Variants in WBP4 observed in about 807,000 individuals in gnomAD.
WBP4 encodes WW domain binding protein 4, also known as WW domain-binding protein 4.
A neutral mutation model predicts 55.4 loss-of-function variants in WBP4; 37 were observed. The observed-to-expected ratio is 0.67, with a 90% CI of 0.51 to 0.88. The LOEUF (loss-of-function observed/expected upper bound fraction) is 0.88, where lower values mean the gene tolerates loss of function less well. Ranked by LOEUF, WBP4 falls within the 40% of genes least tolerant of loss-of-function variation. The pLI is 0.00. For synonymous variants in WBP4, 142 were observed against 140.2 expected (o/e 1.01, Z -0.09); for missense variants, 398 against 420.8 (o/e 0.95, Z 0.47).
chr13:41,069,539 G>T (rs1878135081), intron 5 of WBP4, among the ~76,000 whole-genome samples: 1 of 152,048 alleles, frequency 6.6e-6, no homozygotes. Flanking sequence ...GTGGGCACCT[G>T]TAGTCCCAGC....
intron 8 of WBP4, among the ~76,000 whole-genome samples, chr13:41,077,191 C>T (rs892712575): frequency 6.6e-6 from 1 of 152,074 alleles, no homozygotes; most frequent in Non-Finnish European, 1.5e-5. Context: ...AAATGTGATT[C>T]ACCACATAAA....
rs148208757 is a variant in WBP4 at position 41,061,885 on chromosome 13, C to A, written c.2+210C>A. Among the ~76,000 whole-genome samples the A allele has an allele frequency of 2.4e-3, 367 of 152,172 alleles. 2 individuals carry two copies. The highest frequency in any genetic ancestry group is 8.5e-3 in the African/African-American group (353 of 41,528). On this transcript the variant is annotated intron_variant, in intron 1 of 9. Transcript: ENST00000379487. ...CCGCTGAACGCCCTGGGGTATGGGG[C>A]ACGGGCTCTAGGGGGAGGCCGGCGG...
intron 4 of WBP4, 130 bp from the exon 5 acceptor site, chr13:41,068,431 T>G: frequency 1.2e-6 from 1 of 823,380 alleles, no homozygotes; most frequent in Non-Finnish European, 1.7e-6. Context: ...GAATGAACTT[T>G]ATAATAATGT....
chr13:41,064,245 TTC>T lies in WBP4; in HGVS notation c.76-765_76-764del, dbSNP rs575501521. Reference sequence around the variant, plus strand: ...TTGTATCCATACATAAAGAGCTTCTTTCTCTCTGTTACAGTAGACTATGAGAA... The same window carrying T: ...TTGTATCCATACATAAAGAGCTTCTTTCTCTGTTACAGTAGACTATGAGAA... On this transcript the variant is annotated intron_variant, in intron 2 of 9. Transcript: ENST00000379487. Among the ~76,000 whole-genome samples the T allele has an allele frequency of 3.3e-5, 5 of 152,274 alleles. No homozygotes were observed. In the South Asian group the frequency reaches 1.0e-3, roughly 32 times the overall value.
rs767612339 is a variant in WBP4 at position 41,076,139 on chromosome 13, T to C, written c.658T>C (p.Ser220Pro). 6.2e-7 allele frequency: 1 copy of C among 1,613,522 alleles called. No homozygotes were observed. The highest frequency in any genetic ancestry group is 8.5e-7 in the Non-Finnish European group (1 of 1,179,954). ...NENSLGTLDE[S>P]KSSDSHSDSD... ...AAATTCACTTGGCACCCTAGATGAA[T>C]CCAAATCATCAGATTCGCATAGTGA... The change falls in exon 8 of 10, where the codon TCC becomes CCC. Residue 220 changes from serine to proline, a missense_variant. Coordinates refer to ENST00000379487, the MANE Select transcript of WBP4 (RefSeq NM_007187.5).
At chr13:41,070,964 A>G (rs1878216489) in intron 5 of WBP4, among the ~76,000 whole-genome samples, 1 of 152,228 alleles carries the variant, frequency 6.6e-6, no homozygotes, top group African/African-American at 2.4e-5. Context: ...AGTGACATGC[A>G]TATTGTAGTT....
In WBP4 at chr13:41,073,390, C is replaced by G. The variant is rs138346671; in HGVS notation, c.562+533C>G. On this transcript the variant is annotated intron_variant, in intron 7 of 9. Transcript: ENST00000379487. ...ATTAGCCGGGTGTGGTGGCACATGC[C>G]TGTAATCCAAGCTACTTGGGAGGCT... Among the ~76,000 whole-genome samples, 414 of 151,926 alleles carry G rather than the reference C, an allele frequency of 2.7e-3. 8 individuals carry two copies. In the East Asian group the frequency reaches 0.049, roughly 18 times the overall value.
At chr13:41,080,025 C>T (rs1878696662) in intron 8 of WBP4, among the ~76,000 whole-genome samples, 1 of 122,400 alleles carries the variant, frequency 8.2e-6, no homozygotes, top group Non-Finnish European at 1.6e-5. Flanking sequence ...CACACATGGA[C>T]ATACAGAATG....
chr13:41,061,622 A>G lies in WBP4; in HGVS notation c.-52A>G, dbSNP rs919371894. 18 of 1,613,892 alleles carry G rather than the reference A, an allele frequency of 1.1e-5. No homozygotes were observed. The highest frequency in any genetic ancestry group is 1.0e-4 in the Admixed American group (6 of 60,010). ...AGAGCTCGACTCGTCCCGCTGGGAA[A>G]GCGCGAGTCTGAGTGGAACCCTGGA... On this transcript the variant is annotated 5_prime_UTR_variant, in exon 1 of 10. Transcript: ENST00000379487.
At chr13:41,081,387 A>G (rs983743786) in intron 9 of WBP4, among the ~76,000 whole-genome samples, 3 of 150,964 alleles carry the variant, frequency 2.0e-5, no homozygotes, top group African/African-American at 7.3e-5. Context: ...GTTCCCAGCT[A>G]CTTGAGAGGC....
chr13:41,061,756 C>T (rs563361934), intron 1 of WBP4, 81 bp downstream of exon 1: 21 of 1,600,488 alleles, frequency 1.3e-5, no homozygotes, highest in South Asian at 8.9e-5. Flanking sequence ...CCCCTCCTCT[C>T]CTCCCGCCCT....
rs764479440 is a variant in WBP4, at chr13:41,065,281, G to C, written c.256G>C (p.Glu86Gln). 30 of 1,385,780 alleles carry C rather than the reference G, an allele frequency of 2.2e-5. No individual in the cohort carries two copies. In the South Asian group the frequency reaches 3.6e-4, roughly 17 times the overall value. The allele number at this position is 1,385,780 out of a possible 1,614,324, so 85.8% of individuals were successfully genotyped here. The change falls in exon 4 of 10, where the codon GAG becomes CAG. Residue 86 changes from glutamate (E) to glutamine (Q), a missense_variant. Coordinates refer to ENST00000379487, the MANE Select transcript of WBP4 (RefSeq NM_007187.5). ...YQEDLKRLGLESEILEPSITP... is the reference protein window; with the variant it reads ...YQEDLKRLGLQSEILEPSITP... ...AGAGGATTTGAAAAGACTTGGCTTA[G>C]AGTCAGGTAAAAAAAAAAAAAAAAA...
At chr13:41,065,101 T>C (rs1877894295) in intron 3 of WBP4, 23 bp downstream of exon 3, 2 of 1,600,652 alleles carry the variant, frequency 1.2e-6, no homozygotes, top group South Asian at 1.1e-5. Context: ...GTTTATTTGC[T>C]AATTTTTCTA....
rs759699299 is a variant in WBP4, at chr13:41,080,732, T to C, written c.843T>C (p.Asn281=). 6 of 1,607,726 alleles carry C rather than the reference T, an allele frequency of 3.7e-6. No individual in the cohort carries two copies. The highest frequency in any genetic ancestry group is 1.7e-6 in the Non-Finnish European group (2 of 1,178,636). Residue 281 remains asparagine (N), a synonymous_variant, in exon 9 of 10, where the codon AAT becomes AAC. Coordinates refer to ENST00000379487, the MANE Select transcript of WBP4 (RefSeq NM_007187.5). ...SIQKQNSLGS[N]EEKSKTLKKS... is the part of the protein sequence containing the mutation. The stretch of plus-strand genomic sequence containing the variant: ...AGAAACAGAATTCATTAGGTTCAAA[T>C]GAAGAAAAATCGAAAACTCTTAAGA...
intron 1 of WBP4, chr13:41,062,299 A>G (rs1039520588): frequency 1.0e-6 from 1 of 984,080 alleles, no homozygotes; most frequent in Admixed American, 6.2e-5. Flanking sequence ...GAGTTTCTTC[A>G]GGTTTCCATT....
intron 1 of WBP4, chr13:41,062,005 G>T: frequency 1.0e-6 from 1 of 974,916 alleles, no homozygotes; most frequent in Non-Finnish European, 1.2e-6. Context: ...TTGGGTTTCC[G>T]AAGCCCCTGA....
chr13:41,082,513 TC>T (rs1226893367), intron 9 of WBP4, among the ~76,000 whole-genome samples, 190 bp from the exon 10 acceptor site: 2 of 152,138 alleles, frequency 1.3e-5, no homozygotes, highest in African/African-American at 4.8e-5. Flanking sequence ...ATAGAACTTC[TC>T]CCAGCATTTA....
chr13:41,079,182 C>T (rs1878650412), intron 8 of WBP4, among the ~76,000 whole-genome samples: 1 of 152,134 alleles, frequency 6.6e-6, no homozygotes. Context: ...GGCCAAAACA[C>T]ATGAATAATG....
intron 8 of WBP4, among the ~76,000 whole-genome samples, chr13:41,080,026 A>G (rs1471711619): frequency 6.6e-5 from 10 of 150,806 alleles, no homozygotes; most frequent in Non-Finnish European, 1.5e-4. Flanking sequence ...ACACATGGAC[A>G]TACAGAATGG....
Sources: gnomAD v4.1 joint callset for allele counts (sites outside exome capture counted in the v4.1 genomes callset) on GRCh38, gnomAD v4.1.1 for gene constraint, MANE v1.5 for transcripts, NCBI Gene and HGNC (gene_info 2026-07-23, HGNC 2026-07-21) for gene names.